The following ZBTB41 variants were observed in gnomAD, a reference collection of about 807,000 sequenced individuals.
ZBTB41 encodes the protein zinc finger and BTB domain containing 41.
In ZBTB41, 42 loss-of-function variants were observed where a neutral mutation model predicts 87.6. The observed-to-expected ratio is 0.48, with a 90% CI of 0.37 to 0.62. ZBTB41 has a LOEUF of 0.62. Ranked by LOEUF, ZBTB41 falls within the 20% of genes least tolerant of loss-of-function variation. The probability of loss-of-function intolerance (pLI) is 0.00; values close to 1 mark genes in which losing one functional copy is unlikely to be tolerated. For synonymous variants in ZBTB41, 364 were observed against 364.0 expected (o/e 1.00, Z 0.00); for missense variants, 799 against 1,078.9 (o/e 0.74, Z 3.63).
chr1:197,192,237 TTAAAA>T (rs1481504247), intron 2 of ZBTB41, among the ~76,000 whole-genome samples: 2 of 152,186 alleles, frequency 1.3e-5, no homozygotes, highest in Admixed American at 1.3e-4. Context: ...ATTTTTAAAC[TTAAAA>T]TTAACTTTTA....
intron 5 of ZBTB41, among the ~76,000 whole-genome samples, chr1:197,182,640 C>T (rs1156808251): frequency 6.6e-6 from 1 of 152,120 alleles, no homozygotes; most frequent in African/African-American, 2.4e-5. Context: ...ATTAAAAATT[C>T]TTCTCCTTTA....
intron 10 of ZBTB41, among the ~76,000 whole-genome samples, chr1:197,164,675 ATATAT>A (rs1249127026): frequency 2.1e-5 from 3 of 144,246 alleles, no homozygotes; most frequent in Admixed American, 7.2e-5. Flanking sequence ...TATCTAATAC[ATATAT>A]TATATTAGAT....
Position 197,159,913 on chromosome 1 carries a change from A to G in ZBTB41, c.2176T>C (p.Cys726Arg). 1 of 1,613,944 alleles carries G rather than the reference A, an allele frequency of 6.2e-7. No homozygotes were observed. The highest frequency in any genetic ancestry group is 1.1e-5 in the South Asian group (1 of 91,070). The change falls in exon 11 of 11, where the codon TGT (cysteine) becomes CGT (arginine). Residue 726 changes from cysteine (C) to arginine (R), a missense_variant. Transcript: ENST00000367405. ...VIHSDARPFN[C>R]QHCNATFKRK... Reference sequence around the variant, plus strand: ...TTAAATGTTGCATTACAGTGCTGACAGTTGAAAGGTCGGGCATCAGAATGA... The same window carrying G: ...TTAAATGTTGCATTACAGTGCTGACGGTTGAAAGGTCGGGCATCAGAATGA...
chr1:197,174,863 C>A (rs1171669667), intron 9 of ZBTB41, 147 bp downstream of exon 9: 2 of 481,624 alleles, frequency 4.2e-6, no homozygotes. Flanking sequence ...TTGCTGAATT[C>A]TTTTAGGTCT....
intron 10 of ZBTB41, among the ~76,000 whole-genome samples, chr1:197,169,524 T>C (rs913887718): frequency 7.9e-5 from 12 of 152,044 alleles, no homozygotes; most frequent in African/African-American, 2.9e-4. Flanking sequence ...GCTATTAATA[T>C]AAGTCAAAAT....
At chr1:197,190,339 GC>G (rs1231242318) in intron 4 of ZBTB41, among the ~76,000 whole-genome samples, 3 of 152,080 alleles carry the variant, frequency 2.0e-5, no homozygotes, top group African/African-American at 7.2e-5. Flanking sequence ...GCAAATCCCT[GC>G]CCCAAATTTG....
intron 10 of ZBTB41, among the ~76,000 whole-genome samples, chr1:197,164,053 C>CA (rs970444971): frequency 2.0e-5 from 3 of 151,474 alleles, no homozygotes; most frequent in Non-Finnish European, 4.4e-5. Flanking sequence ...ATATTTAAAA[C>CA]AAAAAAGCGA....
At chr1:197,164,700 G>GTATCTAATA (rs1427107923) in intron 10 of ZBTB41, among the ~76,000 whole-genome samples, 1 of 125,692 alleles carries the variant, frequency 8.0e-6, no homozygotes, top group Non-Finnish European at 1.6e-5. Context: ...TATATAATAC[G>GTATCTAATA]TATCTAATAT....
chr1:197,191,598 T>C (rs1012310818), intron 3 of ZBTB41, 94 bp downstream of exon 3: 11 of 972,014 alleles, frequency 1.1e-5, no homozygotes, highest in Non-Finnish European at 1.4e-5. Context: ...AATGAAAGAA[T>C]TGGAGATAAG....
chr1:197,154,530 C>A lies in ZBTB41; in HGVS notation c.*4829G>T, dbSNP rs542888317. On this transcript the variant is annotated 3_prime_UTR_variant, in exon 11 of 11. Coordinates refer to ENST00000367405, the MANE Select transcript of ZBTB41 (RefSeq NM_194314.3). ...CTCTCTCTACAAAAACCTTCTTTTT[C>A]TCATCTTCCACACATCTTAATCCTA... 1 of 152,152 alleles carries A rather than the reference C, an allele frequency of 6.6e-6. No individual in the cohort carries two copies. The highest frequency in any genetic ancestry group is 2.1e-4 in the South Asian group (1 of 4,824). 9.4% of individuals were successfully genotyped at this position (152,152 alleles called of 1,614,324 possible). A position where few individuals can be genotyped will look rare whatever the true frequency, so the allele number is the denominator to read the frequency against.
At chr1:197,199,047 C>T (rs546238527) in intron 2 of ZBTB41, among the ~76,000 whole-genome samples, 6 of 151,930 alleles carry the variant, frequency 3.9e-5, no homozygotes, top group Non-Finnish European at 8.8e-5. Context: ...GGAATTAAAC[C>T]GGCATATAAA....
intron 6 of ZBTB41, among the ~76,000 whole-genome samples, chr1:197,178,884 T>G (rs900534820): frequency 5.3e-5 from 8 of 152,150 alleles, no homozygotes; most frequent in Admixed American, 2.0e-4. Flanking sequence ...TCAGTACTAT[T>G]TCTTCCAAAT....
At chr1:197,183,027 A>G (rs968499304) in intron 5 of ZBTB41, among the ~76,000 whole-genome samples, 2 of 152,292 alleles carry the variant, frequency 1.3e-5, no homozygotes, top group South Asian at 4.1e-4. Context: ...CTATATATAT[A>G]TAATATTGCT....
intron 10 of ZBTB41, among the ~76,000 whole-genome samples, chr1:197,163,058 A>C (rs950329150): frequency 1.3e-5 from 2 of 152,208 alleles, no homozygotes; most frequent in African/African-American, 4.8e-5. Context: ...GGAGACAGAG[A>C]TTAGAGTTCA....
At chr1:197,175,431 A>ACTATATATATATATATATATATATAT in intron 8 of ZBTB41, among the ~76,000 whole-genome samples, 1 of 71,558 alleles carries the variant, frequency 1.4e-5, no homozygotes, top group Non-Finnish European at 3.0e-5. Flanking sequence ...AGGAATTTTA[A>ACTATATATATATATATATATATATAT]ATATATATAT....
chr1:197,190,274 T>C (rs1214247286), intron 4 of ZBTB41, among the ~76,000 whole-genome samples: 1 of 152,024 alleles, frequency 6.6e-6, no homozygotes, highest in African/African-American at 2.4e-5. Flanking sequence ...ATGCACTAGT[T>C]GAAAACAGCT....
intron 7 of ZBTB41, among the ~76,000 whole-genome samples, chr1:197,177,576 A>C (rs1002451464): frequency 2.0e-5 from 3 of 152,116 alleles, no homozygotes; most frequent in Admixed American, 6.6e-5. Context: ...AACTTTATGA[A>C]AATTACATCT....
intron 6 of ZBTB41, among the ~76,000 whole-genome samples, chr1:197,179,731 C>T (rs1383899303): frequency 6.6e-6 from 1 of 151,514 alleles, no homozygotes. Context: ...GTGTTTGTGT[C>T]TTTTGTTTTT....
At position 197,200,083 on chromosome 1, in the gene ZBTB41, C is replaced by T. The variant is rs755381458; in HGVS notation, c.391G>A (p.Val131Ile). 13 of 1,613,306 alleles carry T rather than the reference C, an allele frequency of 8.1e-6. No individual in the cohort carries two copies. In the South Asian group the frequency reaches 9.9e-5, roughly 12 times the overall value. ...AAATGCTGAAAAACTGAATGTGTTA[C>T]GTGATCCAGGGTGACAACATCAGTG... ...PSTDVVTLDH[V>I]THSVFQHLLE... Residue 131 changes from valine (V) to isoleucine (I), a missense_variant, in exon 2 of 11, where the codon GTA (valine) becomes ATA (isoleucine). By Grantham distance (29) the Val-to-Ile change is conservative (BLOSUM62 3). This residue lies in a region of ZBTB41 where 59 missense variants were observed against 120.1 expected (regional missense o/e 0.49). Coordinates refer to ENST00000367405, the MANE Select transcript of ZBTB41 (RefSeq NM_194314.3).
Sources: allele counts gnomAD v4.1 joint callset (sites outside exome capture counted in the v4.1 genomes callset), GRCh38; gene constraint gnomAD v4.1.1; regional missense constraint gnomAD v4.1.1; transcripts MANE v1.5; gene names NCBI Gene and HGNC (gene_info 2026-07-23, HGNC 2026-07-21).